The following TCF20 variants were observed in gnomAD, a reference collection of about 807,000 sequenced individuals.
The protein encoded by TCF20 is SPRE-binding protein.
A neutral mutation model predicts 148.6 loss-of-function variants in TCF20; 3 were observed. That is an observed-to-expected ratio of 0.02 (90% confidence interval 0.01 to 0.05). The LOEUF is 0.05. TCF20 is among the 10% of genes least tolerant of loss of function. TCF20 has a pLI of 1.00. For missense variants in TCF20, 2,350 were observed against 2,429.3 expected (o/e 0.97, Z 0.69); for synonymous variants, 1,049 against 909.5 (o/e 1.15, Z -2.76).
chr22:42,284,143 G>A (rs1329027580), upstream of TCF20, among the ~76,000 whole-genome samples: 1 of 152,148 alleles, frequency 6.6e-6, no homozygotes, highest in African/African-American at 2.4e-5. Flanking sequence ...GGAGGAGGGA[G>A]GGGAGCACCC....
chr22:42,214,473 C>T lies in TCF20; in HGVS notation c.833G>A (p.Gly278Asp), dbSNP rs1921465599. The T allele has an allele frequency of 6.2e-7, 1 of 1,614,034 alleles. No individual in the cohort carries two copies. The highest frequency in any genetic ancestry group is 1.3e-5 in the African/African-American group (1 of 74,896). ...TGTTCCATAAGCCTGTGCATTAGAA[C>T]CCACATTGTGTCCTTCATACTGAGA... ...AGSQYEGHNV[G>D]SNAQAYGTQS... is the part of the protein sequence containing the mutation. Residue 278 changes from glycine (G) to aspartate (D), a missense_variant, in exon 2 of 6, where the codon GGT (glycine) becomes GAT (aspartate). Transcript: ENST00000677622.
At chr22:42,183,016 C>T (rs543077283) in intron 2 of TCF20, among the ~76,000 whole-genome samples, 5 of 152,314 alleles carry the variant, frequency 3.3e-5, no homozygotes, top group Non-Finnish European at 7.3e-5. Context: ...GGATTACAGG[C>T]GTGAGCCACT....
At chr22:42,199,474 CT>C (rs1297354455) in intron 2 of TCF20, among the ~76,000 whole-genome samples, 1 of 152,180 alleles carries the variant, frequency 6.6e-6, no homozygotes, top group Non-Finnish European at 1.5e-5. Flanking sequence ...GAGAGGTTTT[CT>C]TCAGGCCCAT....
chr22:42,249,254 T>C (rs771686264), intron 1 of TCF20, among the ~76,000 whole-genome samples: 2 of 152,222 alleles, frequency 1.3e-5, no homozygotes, highest in Non-Finnish European at 2.9e-5. Context: ...GACTGAGGTA[T>C]GCTACTGGCA....
intron 1 of TCF20, 111 bp from the exon 2 acceptor site, chr22:42,215,452 C>G: frequency 7.4e-7 from 1 of 1,350,078 alleles, no homozygotes; most frequent in South Asian, 1.7e-5. Flanking sequence ...ATGAAGCTGA[C>G]TGGTTTGAAT....
intron 1 of TCF20, among the ~76,000 whole-genome samples, chr22:42,300,045 GGTTCCTTTC>G (rs1276960410): frequency 2.6e-5 from 4 of 152,152 alleles, no homozygotes; most frequent in Admixed American, 6.5e-5. Flanking sequence ...CGTGCAGCCT[GGTTCCTTTC>G]GTTCCTTCGT....
chr22:42,218,110 A>T (rs1487494607), intron 1 of TCF20, among the ~76,000 whole-genome samples: 1 of 152,210 alleles, frequency 6.6e-6, no homozygotes, highest in Non-Finnish European at 1.5e-5. Flanking sequence ...ACACTGTTCC[A>T]GCACTTCACA....
In TCF20 at chr22:42,242,545, G is replaced by A. The variant is rs537749065; in HGVS notation, c.-36-27204C>T. Among the ~76,000 whole-genome samples, 6 of 152,224 alleles carry A rather than the reference G, an allele frequency of 3.9e-5. No homozygotes were observed. The South Asian group carries it at 6.2e-4, about 16-fold the overall frequency. ...CGAACTTACAACACTCTCAGCACGT[G>A]AGGAGCTCAAAGTCAAGGATTTAGA... On this transcript the variant is annotated intron_variant, in intron 1 of 5. Coordinates refer to ENST00000677622, the MANE Select transcript of TCF20 (RefSeq NM_001378418.1).
chr22:42,323,860 ATGGTGGTGG>A (rs750556854), intron 1 of TCF20, among the ~76,000 whole-genome samples: 17 of 71,472 alleles, frequency 2.4e-4, no homozygotes, highest in East Asian at 8.5e-4. Flanking sequence ...GATGGAGGTT[ATGGTGGTGG>A]TGGTGGTGGT....
intron 1 of TCF20, among the ~76,000 whole-genome samples, chr22:42,260,930 T>C: frequency 6.6e-6 from 1 of 152,240 alleles, no homozygotes; most frequent in East Asian, 1.9e-4. Context: ...ACATACAGCA[T>C]ATGATTTAAT....
At chr22:42,303,651 C>T (rs567173098) in intron 1 of TCF20, among the ~76,000 whole-genome samples, 1 of 152,376 alleles carries the variant, frequency 6.6e-6, no homozygotes, top group East Asian at 1.9e-4. Context: ...AGGAGCCACA[C>T]TCCCACCCTC....
At chr22:42,196,334 A>G (rs1937599904) in intron 2 of TCF20, among the ~76,000 whole-genome samples, 1 of 152,236 alleles carries the variant, frequency 6.6e-6, no homozygotes, top group Non-Finnish European at 1.5e-5. Flanking sequence ...ATAATAGTGG[A>G]TTAAAATGCC....
At chr22:42,181,254 G>A (rs923130589) in intron 2 of TCF20, among the ~76,000 whole-genome samples, 1 of 152,170 alleles carries the variant, frequency 6.6e-6, no homozygotes, top group Admixed American at 6.5e-5. Flanking sequence ...CGCAATCTTG[G>A]CTCACTGCAA....
At position 42,211,909 on chromosome 22, in the gene TCF20, G is replaced by A. The variant is rs756751149; in HGVS notation, c.3397C>T (p.Arg1133Trp). The A allele has an allele frequency of 1.9e-5, 31 of 1,614,168 alleles. No homozygotes were observed. The highest frequency in any genetic ancestry group is 2.4e-5 in the Non-Finnish European group (28 of 1,180,030). Reference sequence around the variant, plus strand: ...TCTTTGTCATTTTTCAGAGGGCTCCGTACTCTGTCAAGAAACTGCTGCTGC... The same window carrying A: ...TCTTTGTCATTTTTCAGAGGGCTCCATACTCTGTCAAGAAACTGCTGCTGC... ...PRQQQFLDRV[R>W]SPLKNDKDGM... The change falls in exon 2 of 6, where the codon CGG becomes TGG. Residue 1133 changes from arginine to tryptophan, a missense_variant. By Grantham distance (101) the Arg-to-Trp change is moderately radical. Coordinates refer to ENST00000677622, the MANE Select transcript of TCF20 (RefSeq NM_001378418.1).
intron 1 of TCF20, among the ~76,000 whole-genome samples, chr22:42,319,836 G>A (rs1443796534): frequency 2.0e-5 from 3 of 152,098 alleles, no homozygotes; most frequent in Non-Finnish European, 2.9e-5. Context: ...TTCCCACCCC[G>A]GAGCAGGGCT....
chr22:42,280,399 C>T (rs1331210353), intron 1 of TCF20, among the ~76,000 whole-genome samples: 1 of 152,228 alleles, frequency 6.6e-6, no homozygotes, highest in Non-Finnish European at 1.5e-5. Flanking sequence ...GGTCTCCATG[C>T]CTCACACTCC....
chr22:42,226,359 G>A (rs1569165203), intron 1 of TCF20, among the ~76,000 whole-genome samples: 1 of 152,210 alleles, frequency 6.6e-6, no homozygotes, highest in Non-Finnish European at 1.5e-5. Context: ...GAGGTAATTA[G>A]TGTTGCCACT....
At chr22:42,331,298 T>C (rs739149) in intron 1 of TCF20, among the ~76,000 whole-genome samples, 91,799 of 152,022 alleles carry the variant, frequency 0.6, 29,831 homozygotes, top group African/African-American at 0.85. Flanking sequence ...GACCCAGTCC[T>C]GCCGCACGCC....
chr22:42,294,867 T>G (rs951936406), intron 1 of TCF20, among the ~76,000 whole-genome samples: 2 of 152,054 alleles, frequency 1.3e-5, no homozygotes, highest in Non-Finnish European at 1.5e-5. Context: ...GGTGCTGTGG[T>G]TGGGTGGAGG....
Sources: gnomAD v4.1 joint callset for allele counts (sites outside exome capture counted in the v4.1 genomes callset) on GRCh38, gnomAD v4.1.1 for gene constraint, MANE v1.5 for transcripts, NCBI Gene and HGNC (gene_info 2026-07-23, HGNC 2026-07-21) for gene names.